The following TP63 variants were observed in gnomAD, a reference collection of about 807,000 sequenced individuals.
TP63 encodes tumor protein p63.
TP63 carries 17 observed loss-of-function variants against 82.8 expected under a neutral mutation model. The ratio of observed to expected loss-of-function variants is 0.21; its 90% CI spans 0.14 to 0.31. The LOEUF is 0.31. Among genes scored for constraint, TP63 ranks in the 10% least tolerant of loss-of-function variants. The probability of loss-of-function intolerance (pLI) is 1.00; values close to 1 mark genes in which losing one functional copy is unlikely to be tolerated. For missense variants in TP63, 648 were observed against 895.3 expected (o/e 0.72, Z 3.52); for synonymous variants, 330 against 321.7 (o/e 1.03, Z -0.28).
intron 1 of TP63, among the ~76,000 whole-genome samples, chr3:189,684,228 G>A (rs978398249): frequency 6.6e-6 from 1 of 152,036 alleles, no homozygotes; most frequent in African/African-American, 2.4e-5. Flanking sequence ...ACTTTTCTAG[G>A]TACCAGAAAT....
At position 189,894,494 on chromosome 3, in the gene TP63, G is replaced by T. The variant is rs761305330; in HGVS notation, c.2035G>T (p.Gly679Trp). The change falls in exon 14 of 14, where the codon GGG (glycine) becomes TGG (tryptophan). Residue 679 changes from glycine (G) to tryptophan (W), a missense_variant. By Grantham distance (184) the Gly-to-Trp change is radical (BLOSUM62 -2). Around this residue, in one of 5 missense-constraint regions of TP63, gnomAD observed 342 missense variants for 425.7 expected, o/e 0.80. Coordinates refer to ENST00000264731, the MANE Select transcript of TP63 (RefSeq NM_003722.5). ...TAAGCAACAGCGCATCAAAGAGGAG[G>T]GGGAGTGAGCCTCACCATGTGAGCT... is the stretch of plus-strand genomic sequence containing the variant. ...RNKQQRIKEE[G>W]E 1 of 1,613,228 alleles carries T rather than the reference G, an allele frequency of 6.2e-7. No individual in the cohort carries two copies. The highest frequency in any genetic ancestry group is 1.3e-5 in the African/African-American group (1 of 74,980).
intron 4 of TP63, among the ~76,000 whole-genome samples, chr3:189,838,269 T>A (rs567340327): frequency 6.6e-6 from 1 of 152,138 alleles, no homozygotes; most frequent in Non-Finnish European, 1.5e-5. Flanking sequence ...TTCCTGGTAA[T>A]GTTTCAAATT....
intron 1 of TP63, among the ~76,000 whole-genome samples, chr3:189,644,918 T>C (rs958329001): frequency 1.3e-5 from 2 of 152,078 alleles, no homozygotes; most frequent in African/African-American, 2.4e-5. Context: ...TTTTCTTTTT[T>C]TTTTTTTTAT....
chr3:189,721,202 G>C (rs1011015869), intron 1 of TP63, among the ~76,000 whole-genome samples: 3 of 152,142 alleles, frequency 2.0e-5, no homozygotes, highest in Non-Finnish European at 4.4e-5. Context: ...GTCGTGAATA[G>C]ATTTTCTCAG....
chr3:189,698,872 G>T (rs1195440270), intron 1 of TP63, among the ~76,000 whole-genome samples: 3 of 152,054 alleles, frequency 2.0e-5, no homozygotes, highest in African/African-American at 7.2e-5. Flanking sequence ...ATAATATTGT[G>T]GAAATTACAG....
chr3:189,601,990 C>T, the TP63 span, among the ~76,000 whole-genome samples: 7 of 152,240 alleles, frequency 4.6e-5, no homozygotes, highest in African/African-American at 1.7e-4. Flanking sequence ...TCAAATGATG[C>T]CTGATAGTAG....
chr3:189,679,669 C>A (rs970716677), intron 1 of TP63, among the ~76,000 whole-genome samples: 1 of 151,808 alleles, frequency 6.6e-6, no homozygotes. Flanking sequence ...GCTTTTGTTG[C>A]CTTTGCTTTT....
chr3:189,891,726 C>T (rs952176618), intron 13 of TP63, among the ~76,000 whole-genome samples: 21 of 152,166 alleles, frequency 1.4e-4, no homozygotes, highest in Admixed American at 4.6e-4. Flanking sequence ...CCTGCTCACA[C>T]GGGAGCTAGT....
the TP63 span, among the ~76,000 whole-genome samples, chr3:189,610,447 AG>A: frequency 1.3e-5 from 2 of 152,202 alleles, no homozygotes; most frequent in Admixed American, 6.5e-5. Context: ...TCTCTAGGGC[AG>A]GGGCAAAATT....
chr3:189,886,604 A>G, intron 11 of TP63, 53 bp downstream of exon 11: 1 of 1,608,752 alleles, frequency 6.2e-7, no homozygotes, highest in South Asian at 1.1e-5. Flanking sequence ...CTAGCTTAGG[A>G]CAAGACTCTG....
At chr3:189,857,764 A>C (rs1716469978) in intron 4 of TP63, among the ~76,000 whole-genome samples, 1 of 152,184 alleles carries the variant, frequency 6.6e-6, no homozygotes, top group Non-Finnish European at 1.5e-5. Context: ...CAATATCACT[A>C]ATCAGGGAAA....
chr3:189,803,894 C>G (rs1272013143), intron 3 of TP63, among the ~76,000 whole-genome samples: 1 of 152,120 alleles, frequency 6.6e-6, no homozygotes, highest in Non-Finnish European at 1.5e-5. Flanking sequence ...AGAATACTGC[C>G]TCTTTTTTCA....
intron 1 of TP63, among the ~76,000 whole-genome samples, chr3:189,675,598 G>A (rs981995695): frequency 8.6e-5 from 13 of 151,918 alleles, no homozygotes; most frequent in East Asian, 3.9e-4. Flanking sequence ...AGATTTTTTC[G>A]CTAGTCTACT....
intron 4 of TP63, among the ~76,000 whole-genome samples, chr3:189,808,846 G>A (rs1157343396): frequency 6.6e-6 from 1 of 152,154 alleles, no homozygotes; most frequent in Non-Finnish European, 1.5e-5. Flanking sequence ...TCATAATCAT[G>A]GGATATGTGT....
At chr3:189,599,513 T>C in the TP63 span, among the ~76,000 whole-genome samples, 5 of 152,344 alleles carry the variant, frequency 3.3e-5, no homozygotes, top group East Asian at 7.7e-4. Context: ...TAATATTCTT[T>C]CTTACAAGAG....
intron 1 of TP63, among the ~76,000 whole-genome samples, chr3:189,665,713 AT>A (rs1714326583): frequency 6.6e-6 from 1 of 152,066 alleles, no homozygotes; most frequent in Admixed American, 6.6e-5. Context: ...TGTGGTGTGT[AT>A]TATATGCAGC....
chr3:189,832,012 A>G (rs1299764116), intron 4 of TP63, among the ~76,000 whole-genome samples: 3 of 151,540 alleles, frequency 2.0e-5, no homozygotes, highest in Non-Finnish European at 2.9e-5. Context: ...TTGTATTTGT[A>G]GTAGAGACAG....
chr3:189,775,171 G>A (rs1051891836), intron 3 of TP63, among the ~76,000 whole-genome samples: 12 of 131,104 alleles, frequency 9.2e-5, no homozygotes, highest in African/African-American at 3.2e-4. Context: ...GGTGAGCCAA[G>A]ATCGTGCCAC....
chr3:189,603,824 T>C, the TP63 span, among the ~76,000 whole-genome samples: 141,074 of 151,862 alleles, frequency 0.93, 66,430 homozygotes, highest in East Asian at 1. Context: ...TTAGCCCTCA[T>C]TGGAAAATAA....
Sources: gnomAD v4.1 joint callset for allele counts (sites outside exome capture counted in the v4.1 genomes callset) on GRCh38, gnomAD v4.1.1 for gene constraint, gnomAD v4.1.1 regional missense constraint, MANE v1.5 for transcripts, NCBI Gene and HGNC (gene_info 2026-07-23, HGNC 2026-07-21) for gene names.